PRAG1: variants seen among roughly 807,000 people sequenced by gnomAD.
PRAG1 encodes inactive tyrosine-protein kinase PRAG1.
In PRAG1, 110 loss-of-function variants were observed where a neutral mutation model predicts 95.6. That is an observed-to-expected ratio of 1.15 (90% confidence interval 0.99 to 1.35). PRAG1 has a LOEUF of 1.35. PRAG1 is among the 40% of genes most tolerant of loss of function. The pLI is 0.00. For synonymous variants in PRAG1, 1,052 were observed against 819.4 expected, an observed-to-expected ratio of 1.28 and a Z score of -4.85; for missense variants, 2,554 against 1,864.7, an observed-to-expected ratio of 1.37 and a Z score of -6.81.
At chr8:8,355,327 G>C (rs140632839) in intron 3 of PRAG1, among the ~76,000 whole-genome samples, 1 of 152,180 alleles carries the variant, frequency 6.6e-6, no homozygotes, top group East Asian at 1.9e-4. Context: ...TTGTTGAAAT[G>C]TCCACACCAC....
Position 8,379,198 on chromosome 8 carries a change from C to T in PRAG1, c.331-1120G>A, listed in dbSNP as rs529442578. Among the ~76,000 whole-genome samples, 4 of 152,304 alleles carry T rather than the reference C, an allele frequency of 2.6e-5. No individual in the cohort carries two copies. The South Asian group carries it at 6.2e-4, about 24-fold the overall frequency. On this transcript the variant is annotated intron_variant, in intron 2 of 5. Transcript: ENST00000615670. ...CTTCCTCGCTTCTTTCTGTGCTTTGCTTCCAACTATGCCAGAGGTCATCTT... is the reference window on the plus strand; with the variant it reads ...CTTCCTCGCTTCTTTCTGTGCTTTGTTTCCAACTATGCCAGAGGTCATCTT...
intron 2 of PRAG1, 67 bp downstream of exon 2, chr8:8,381,351 G>A: frequency 6.7e-7 from 1 of 1,488,046 alleles, no homozygotes; most frequent in Non-Finnish European, 9.1e-7. Context: ...CTGGCTGCCA[G>A]CCAGTCACCA....
At chr8:8,352,095 G>A (rs1393941844) in intron 3 of PRAG1, among the ~76,000 whole-genome samples, 15 of 152,186 alleles carry the variant, frequency 9.9e-5, no homozygotes, top group Admixed American at 9.8e-4. Context: ...TCACTTTGTT[G>A]AACCAGCTTC....
intron 4 of PRAG1, among the ~76,000 whole-genome samples, chr8:8,338,787 C>G (rs1799073000): frequency 6.6e-6 from 1 of 152,120 alleles, no homozygotes; most frequent in Admixed American, 6.6e-5. Context: ...CATGTGAGTA[C>G]AAGTCTAAAT....
intron 5 of PRAG1, among the ~76,000 whole-genome samples, chr8:8,321,723 G>C (rs950886818): frequency 6.6e-6 from 1 of 152,112 alleles, no homozygotes; most frequent in Non-Finnish European, 1.5e-5. Flanking sequence ...GTGTTGCAGA[G>C]GTCAAAAGCA....
At position 8,328,386 on chromosome 8, in the gene PRAG1, C is replaced by G. The variant is rs1027034154; in HGVS notation, c.2396G>C (p.Gly799Ala). 5.0e-6 allele frequency: 8 copies of G among 1,613,434 alleles called. No homozygotes were observed. In the African/African-American group the frequency reaches 5.3e-5, roughly 11 times the overall value. ...ACTGGGGGACACGTCCTCAGTGGAGCCTGAAGGAAACGGAACGGGAGCAAA... is the reference window on the plus strand; with the variant it reads ...ACTGGGGGACACGTCCTCAGTGGAGGCTGAAGGAAACGGAACGGGAGCAAA... Reference protein sequence around the residue: ...KLFAPVPFPSGSTEDVSPSGP... With the variant: ...KLFAPVPFPSASTEDVSPSGP... Residue 799 changes from glycine (G) to alanine (A), a missense_variant, in exon 5 of 6, where the codon GGC becomes GCC. Gly to Ala is a moderately conservative substitution (Grantham distance 60). Coordinates refer to ENST00000615670, the MANE Select transcript of PRAG1 (RefSeq NM_001080826.3).
chr8:8,371,090 A>G (rs117922409), intron 3 of PRAG1, among the ~76,000 whole-genome samples: 5 of 148,014 alleles, frequency 3.4e-5, no homozygotes, highest in African/African-American at 1.2e-4. Context: ...AAGGCAAGGT[A>G]CCACCACTGT....
At chr8:8,384,657 G>A (rs1463545966) in intron 1 of PRAG1, among the ~76,000 whole-genome samples, 1 of 147,202 alleles carries the variant, frequency 6.8e-6, no homozygotes, top group African/African-American at 2.5e-5. Context: ...GCACTTCTGT[G>A]CCTGGAATTA....
chr8:8,357,373 A>G (rs1272277084), intron 3 of PRAG1, among the ~76,000 whole-genome samples: 2 of 152,214 alleles, frequency 1.3e-5, no homozygotes, highest in Non-Finnish European at 2.9e-5. Context: ...CTGGTCAAAG[A>G]ACTTAAATTT....
At chr8:8,335,067 A>C (rs1002607812) in intron 4 of PRAG1, among the ~76,000 whole-genome samples, 1 of 149,642 alleles carries the variant, frequency 6.7e-6, no homozygotes, top group Non-Finnish European at 1.5e-5. Context: ...CTCTGTCTCG[A>C]AAAAAAAAAG....
At position 8,328,083 on chromosome 8, in the gene PRAG1, C is replaced by A; in HGVS notation, c.2699G>T (p.Gly900Val). The change falls in exon 5 of 6, where the codon GGC becomes GTC. Residue 900 changes from glycine (G) to valine (V), a missense_variant. Coordinates refer to ENST00000615670, the MANE Select transcript of PRAG1 (RefSeq NM_001080826.3). The part of the protein sequence containing the change: ...GHWLPAAGLA[G>V]NRGGCGSPGL... The stretch of plus-strand genomic sequence containing the variant: ...AGGGCTCCCGCAGCCGCCTCTGTTG[C>A]CCGCCAGCCCTGCTGCCGGAAGCCA... The A allele has an allele frequency of 1.9e-6, 3 of 1,607,318 alleles. No individual in the cohort carries two copies. Among genetic ancestry groups the A allele is most frequent in the South Asian group, 1.1e-5 (1 of 90,312 alleles).
At chr8:8,384,673 T>G (rs1472246482) in intron 1 of PRAG1, among the ~76,000 whole-genome samples, 1 of 150,150 alleles carries the variant, frequency 6.7e-6, no homozygotes, top group Non-Finnish European at 1.5e-5. Context: ...AATTATCTCC[T>G]ATTTGTTTTA....
In PRAG1 at chr8:8,339,510, A is replaced by C; in HGVS notation, c.2288T>G (p.Leu763Arg). The change falls in exon 4 of 6, where the codon CTG (leucine) becomes CGG (arginine). Residue 763 changes from leucine (L) to arginine (R), a missense_variant. Coordinates refer to ENST00000615670, the MANE Select transcript of PRAG1 (RefSeq NM_001080826.3). The part of the protein sequence containing the change: ...VSFTTGSTDS[L>R]ASDSRTCSDG... ...GCTGCAGGTCCTAGAGTCTGAGGCC[A>C]GGCTGTCCGTGGAGCCGGTGGTGAA... 1 of 1,614,180 alleles carries C rather than the reference A, an allele frequency of 6.2e-7. No individual in the cohort carries two copies. The highest frequency in any genetic ancestry group is 1.7e-5 in the Admixed American group (1 of 60,030).
rs1397898616 is a variant in PRAG1, at chr8:8,377,255, AC to A, written c.1153del (p.Val385Ter). ...CAGCCCAAGGCATCTGCTAGGGGTC[AC>A]CCCTGGGCAGCCAGGGTCCTGCTGC... ...EKQQDPGCPG[V>X]TPSRCLGLTG... On this transcript the variant is annotated frameshift_variant, in exon 3 of 6. Coordinates refer to ENST00000615670, the MANE Select transcript of PRAG1 (RefSeq NM_001080826.3). LOFTEE classifies it high-confidence loss of function. 3.7e-6 allele frequency: 6 copies of A among 1,612,676 alleles called. No homozygotes were observed. Among genetic ancestry groups the A allele is most frequent in the Non-Finnish European group, 5.1e-6 (6 of 1,179,912 alleles).
intron 3 of PRAG1, among the ~76,000 whole-genome samples, chr8:8,357,686 T>G (rs1015791683): frequency 4.6e-5 from 7 of 152,182 alleles, no homozygotes; most frequent in African/African-American, 1.7e-4. Context: ...TTCCACTTTG[T>G]GGTATATATT....
rs143185636 is a variant in PRAG1, at chr8:8,334,055, G to A, written c.2320+5423C>T. Reference sequence around the variant, plus strand: ...GCAGAGGGATGCTTTGGCTTCACACGGACTTGTTCCTCTGAAGGCAAGTTT... The same window carrying A: ...GCAGAGGGATGCTTTGGCTTCACACAGACTTGTTCCTCTGAAGGCAAGTTT... On this transcript the variant is annotated intron_variant, in intron 4 of 5. Transcript: ENST00000615670. Among the ~76,000 whole-genome samples the A allele has an allele frequency of 1.4e-3, 212 of 152,318 alleles. 2 individuals are homozygous for A. Among genetic ancestry groups the A allele is most frequent in the Middle Eastern group, 3.4e-3 (1 of 294 alleles).
chr8:8,369,612 G>A (rs1172074192), intron 3 of PRAG1, among the ~76,000 whole-genome samples: 5 of 152,026 alleles, frequency 3.3e-5, no homozygotes, highest in African/African-American at 1.2e-4. Flanking sequence ...TACATGTGAT[G>A]CATTGAGCTC....
intron 3 of PRAG1, among the ~76,000 whole-genome samples, chr8:8,345,092 TTA>T (rs1799291784): frequency 2.4e-5 from 3 of 124,926 alleles, no homozygotes; most frequent in Non-Finnish European, 3.4e-5. Flanking sequence ...TGTGTGTGTG[TTA>T]GGGAGGAAGG....
chr8:8,331,716 T>C (rs1420641494), intron 4 of PRAG1, among the ~76,000 whole-genome samples: 1 of 152,164 alleles, frequency 6.6e-6, no homozygotes, highest in African/African-American at 2.4e-5. Context: ...CTTTAGACTG[T>C]ATGGTAGGTC....
Sources: allele counts gnomAD v4.1 joint callset (sites outside exome capture counted in the v4.1 genomes callset), GRCh38; gene constraint gnomAD v4.1.1; transcripts MANE v1.5; gene names NCBI Gene and HGNC (gene_info 2026-07-23, HGNC 2026-07-21).